The following TENM4 variants were observed in gnomAD, a reference collection of about 807,000 sequenced individuals.
TENM4 encodes teneurin transmembrane protein 4.
In TENM4, 82 loss-of-function variants were observed where a neutral mutation model predicts 243.3. The ratio of observed to expected loss-of-function variants is 0.34; its 90% confidence interval spans 0.28 to 0.40. The LOEUF (loss-of-function observed/expected upper bound fraction) is 0.40. TENM4 is among the 10% of genes least tolerant of loss of function. TENM4 has a pLI of 1.00. For missense variants in TENM4, 3,138 were observed against 3,673.3 expected, an observed-to-expected ratio of 0.85 and a Z score of 3.77; for synonymous variants, 1,412 against 1,456.3, an observed-to-expected ratio of 0.97 and a Z score of 0.69.
chr11:78,846,714 C>T (rs975473660), intron 12 of TENM4, among the ~76,000 whole-genome samples: 5 of 138,818 alleles, frequency 3.6e-5, no homozygotes, highest in Non-Finnish European at 6.7e-5. Context: ...TGAGAAACCT[C>T]AAGGCCAAGT....
intron 2 of TENM4, among the ~76,000 whole-genome samples, chr11:79,290,494 C>T (rs1590855375): frequency 1.3e-5 from 2 of 152,232 alleles, no homozygotes; most frequent in Middle Eastern, 3.4e-3. Context: ...AAAGTGTCTA[C>T]CTCTGCTGCT....
chr11:78,850,019 A>C (rs2136193910), intron 12 of TENM4, among the ~76,000 whole-genome samples: 1 of 152,132 alleles, frequency 6.6e-6, no homozygotes, highest in South Asian at 2.1e-4. Flanking sequence ...TTCTGAAAAA[A>C]GCTTCCATGT....
intron 1 of TENM4, among the ~76,000 whole-genome samples, chr11:79,306,498 A>G (rs1209187848): frequency 6.6e-6 from 1 of 152,162 alleles, no homozygotes; most frequent in Middle Eastern, 3.2e-3. Context: ...CAGTAAGGAA[A>G]GGAGGTGAGA....
intron 2 of TENM4, among the ~76,000 whole-genome samples, chr11:79,290,845 A>T (rs1465312234): frequency 3.3e-5 from 5 of 152,208 alleles, no homozygotes; most frequent in African/African-American, 1.2e-4. Context: ...GGGAGAATGA[A>T]TGCAAAGTAC....
chr11:79,222,778 A>C (rs1485346343), intron 2 of TENM4, among the ~76,000 whole-genome samples: 1 of 152,042 alleles, frequency 6.6e-6, no homozygotes, highest in African/African-American at 2.4e-5. Flanking sequence ...TTTTTTATAC[A>C]TTTGCTGGCT....
At chr11:79,287,291 A>C (rs111881428) in intron 2 of TENM4, among the ~76,000 whole-genome samples, 13 of 152,284 alleles carry the variant, frequency 8.5e-5, no homozygotes, top group African/African-American at 2.9e-4. Flanking sequence ...TTAGAAAGGA[A>C]GATGGAATAG....
At chr11:79,396,178 C>T (rs1858340364) in intron 1 of TENM4, among the ~76,000 whole-genome samples, 1 of 152,160 alleles carries the variant, frequency 6.6e-6, no homozygotes, top group Non-Finnish European at 1.5e-5. Context: ...TTTTCTTGAC[C>T]AGCCTAATGG....
chr11:78,979,663 G>A (rs1199427402), intron 6 of TENM4, among the ~76,000 whole-genome samples: 5 of 152,202 alleles, frequency 3.3e-5, no homozygotes, highest in African/African-American at 7.2e-5. Context: ...AGAAGAGCAC[G>A]ATACAGCTAG....
intron 1 of TENM4, among the ~76,000 whole-genome samples, chr11:79,320,517 T>C (rs548823975): frequency 3.3e-5 from 5 of 152,308 alleles, no homozygotes; most frequent in South Asian, 2.1e-4. Flanking sequence ...GGGTAACTAT[T>C]GCTATTCCAC....
At chr11:79,171,626 G>A (rs988488485) in intron 3 of TENM4, among the ~76,000 whole-genome samples, 3 of 152,182 alleles carry the variant, frequency 2.0e-5, no homozygotes, top group African/African-American at 4.8e-5. Context: ...TTCCATTCTA[G>A]GGTTGGGAGC....
At chr11:79,197,552 C>T (rs2135182118) in intron 3 of TENM4, among the ~76,000 whole-genome samples, 1 of 152,278 alleles carries the variant, frequency 6.6e-6, no homozygotes, top group African/African-American at 2.4e-5. Context: ...GTTTAACACT[C>T]TCCCCACACA....
intron 1 of TENM4, among the ~76,000 whole-genome samples, chr11:79,390,253 G>A (rs1858204347): frequency 6.6e-6 from 1 of 152,222 alleles, no homozygotes; most frequent in Non-Finnish European, 1.5e-5. Context: ...CCAAAGACCA[G>A]ACAGAGCCAC....
intron 5 of TENM4, among the ~76,000 whole-genome samples, chr11:79,067,181 T>A (rs1346200953): frequency 2.0e-5 from 3 of 152,228 alleles, no homozygotes; most frequent in Non-Finnish European, 4.4e-5. Flanking sequence ...GACATTCTGA[T>A]TGGTTAGAGG....
chr11:79,343,881 G>A (rs1292882014), intron 1 of TENM4, among the ~76,000 whole-genome samples: 2 of 152,236 alleles, frequency 1.3e-5, no homozygotes, highest in East Asian at 1.9e-4. Flanking sequence ...CAGGAGCCTG[G>A]ATCTGCAGGG....
At chr11:78,991,642 G>A (rs1310834227) in intron 6 of TENM4, among the ~76,000 whole-genome samples, 1 of 152,306 alleles carries the variant, frequency 6.6e-6, no homozygotes, top group South Asian at 2.1e-4. Context: ...GGTTTCTAAA[G>A]CCCTTGCTCG....
At chr11:79,001,976 C>T (rs1448323007) in intron 6 of TENM4, among the ~76,000 whole-genome samples, 1 of 152,192 alleles carries the variant, frequency 6.6e-6, no homozygotes. Flanking sequence ...TTGCCCATAG[C>T]TCCCCATCTC....
chr11:78,778,327 C>CGGG (rs60605894), intron 17 of TENM4, among the ~76,000 whole-genome samples: 1 of 120,124 alleles, frequency 8.3e-6, no homozygotes, highest in African/African-American at 3.0e-5. Flanking sequence ...GTATGTGGGG[C>CGGG]GGGGGGAGGG....
At chr11:78,982,533 G>T (rs1857822419) in intron 6 of TENM4, among the ~76,000 whole-genome samples, 1 of 152,098 alleles carries the variant, frequency 6.6e-6, no homozygotes, top group South Asian at 2.1e-4. Context: ...CATCTCAAGT[G>T]GTCATGCTGG....
intron 27 of TENM4, among the ~76,000 whole-genome samples, chr11:78,704,553 A>C (rs779233370): frequency 1.3e-5 from 2 of 152,170 alleles, no homozygotes; most frequent in Non-Finnish European, 2.9e-5. Context: ...ATTTAATGAC[A>C]TGGAGAAATG....
Sources: gnomAD v4.1 joint callset for allele counts (sites outside exome capture counted in the v4.1 genomes callset) on GRCh38, gnomAD v4.1.1 for gene constraint, MANE v1.5 for transcripts, NCBI Gene and HGNC (gene_info 2026-07-23, HGNC 2026-07-21) for gene names.